The following RPS6KC1 variants were observed in gnomAD, a reference collection of about 807,000 sequenced individuals.
RPS6KC1 encodes the protein ribosomal protein S6 kinase C1, also known as inactive ribosomal protein S6 kinase delta-1.
In RPS6KC1, 54 loss-of-function variants were observed where a neutral mutation model predicts 103.8. The ratio of observed to expected loss-of-function variants is 0.52; its 90% CI spans 0.42 to 0.65. RPS6KC1 has a LOEUF of 0.65. Ranked by LOEUF, RPS6KC1 falls within the 30% of genes least tolerant of loss-of-function variation. The pLI, the probability that RPS6KC1 is intolerant of heterozygous loss-of-function variation, is 0.00. For missense variants in RPS6KC1, 1,151 were observed against 1,253.8 expected, an observed-to-expected ratio of 0.92 and a Z score of 1.24; for synonymous variants, 439 against 438.7, an observed-to-expected ratio of 1.00 and a Z score of -0.01.
At chr1:213,599,964 C>A in the RPS6KC1 span, among the ~76,000 whole-genome samples, 2 of 152,126 alleles carry the variant, frequency 1.3e-5, no homozygotes, top group Non-Finnish European at 2.9e-5. Flanking sequence ...CAGGGAGGGA[C>A]CTGTAATCCC....
At chr1:213,728,008 A>G in the RPS6KC1 span, among the ~76,000 whole-genome samples, 3 of 152,142 alleles carry the variant, frequency 2.0e-5, no homozygotes, top group African/African-American at 4.8e-5. Context: ...AAGGGAAGAG[A>G]GTCACAGGGG....
the RPS6KC1 span, among the ~76,000 whole-genome samples, chr1:213,516,831 A>C: frequency 6.6e-6 from 1 of 152,332 alleles, no homozygotes; most frequent in African/African-American, 2.4e-5. Flanking sequence ...CCTCTGGTAG[A>C]ATTCGGCTGT....
chr1:213,811,577 C>G, the RPS6KC1 span, among the ~76,000 whole-genome samples: 4 of 152,178 alleles, frequency 2.6e-5, no homozygotes, highest in Admixed American at 1.3e-4. Context: ...CTGGAGTGAT[C>G]AGGAGTCATC....
At chr1:213,821,913 G>A in the RPS6KC1 span, 1 of 152,276 alleles carries the variant, frequency 6.6e-6, no homozygotes, top group African/African-American at 2.4e-5. Flanking sequence ...TCAAAGCGAG[G>A]AGCTGGGAGA....
chr1:213,492,675 T>C, the RPS6KC1 span: 15 of 152,276 alleles, frequency 9.9e-5, no homozygotes, highest in African/African-American at 3.6e-4. Context: ...TAGAGAAATG[T>C]CCTTTTCCGT....
At chr1:213,481,089 ACTT>A in the RPS6KC1 span, among the ~76,000 whole-genome samples, 1 of 152,004 alleles carries the variant, frequency 6.6e-6, no homozygotes, top group Non-Finnish European at 1.5e-5. Context: ...TTGTTCTGTT[ACTT>A]CTTGTTTGCA....
chr1:213,452,428 T>G, the RPS6KC1 span, among the ~76,000 whole-genome samples: 1 of 151,728 alleles, frequency 6.6e-6, no homozygotes, highest in African/African-American at 2.4e-5. Flanking sequence ...CACGGGTGGG[T>G]GGGTTACTTT....
intron 5 of RPS6KC1, among the ~76,000 whole-genome samples, chr1:213,123,180 A>T (rs546372360): frequency 6.6e-6 from 1 of 152,162 alleles, no homozygotes; most frequent in East Asian, 1.9e-4. Flanking sequence ...ATTTCATTTT[A>T]TGGAGGGGAG....
chr1:213,408,177 T>C, the RPS6KC1 span, among the ~76,000 whole-genome samples: 1 of 152,168 alleles, frequency 6.6e-6, no homozygotes, highest in Non-Finnish European at 1.5e-5. Flanking sequence ...TCAGGCTGGG[T>C]GACTTGGCTA....
At chr1:213,146,186 T>C (rs2087800398) in intron 6 of RPS6KC1, among the ~76,000 whole-genome samples, 1 of 151,734 alleles carries the variant, frequency 6.6e-6, no homozygotes, top group Non-Finnish European at 1.5e-5. Flanking sequence ...CACAATAATT[T>C]TCAGTTCCAT....
At chr1:213,454,155 G>T in the RPS6KC1 span, among the ~76,000 whole-genome samples, 2 of 151,428 alleles carry the variant, frequency 1.3e-5, no homozygotes, top group African/African-American at 2.4e-5. Context: ...CATGGGGGGG[G>T]TCAGCATTCC....
chr1:213,455,799 C>G, the RPS6KC1 span, among the ~76,000 whole-genome samples: 2 of 152,056 alleles, frequency 1.3e-5, no homozygotes, highest in African/African-American at 4.8e-5. Context: ...TGTCTCATTG[C>G]CTTTTGTTTT....
the RPS6KC1 span, among the ~76,000 whole-genome samples, chr1:213,345,677 G>A: frequency 6.6e-6 from 1 of 152,158 alleles, no homozygotes; most frequent in Non-Finnish European, 1.5e-5. Flanking sequence ...GTTTTCCAGG[G>A]CTCCTCCTTT....
At chr1:213,436,195 AT>A in the RPS6KC1 span, among the ~76,000 whole-genome samples, 1 of 152,360 alleles carries the variant, frequency 6.6e-6, no homozygotes, top group South Asian at 2.1e-4. Context: ...AATTTGAATT[AT>A]TTTGTAAGTG....
intron 4 of RPS6KC1, among the ~76,000 whole-genome samples, chr1:213,115,815 G>A (rs1235703843): frequency 1.3e-5 from 2 of 152,232 alleles, no homozygotes; most frequent in African/African-American, 4.8e-5. Context: ...TATGTACGCA[G>A]TAGTCATTCA....
At chr1:213,633,255 C>T in the RPS6KC1 span, among the ~76,000 whole-genome samples, 2 of 152,070 alleles carry the variant, frequency 1.3e-5, no homozygotes. Flanking sequence ...GTCAGATTCA[C>T]CAAGGTTGAA....
chr1:213,414,704 G>T, the RPS6KC1 span, among the ~76,000 whole-genome samples: 4 of 151,750 alleles, frequency 2.6e-5, no homozygotes, highest in Admixed American at 1.3e-4. Context: ...TGTTATGGGA[G>T]CCCTAGGAAA....
the RPS6KC1 span, among the ~76,000 whole-genome samples, chr1:213,399,462 C>T: frequency 1.3e-5 from 2 of 152,280 alleles, no homozygotes; most frequent in South Asian, 2.1e-4. Flanking sequence ...AGCAGTCTTT[C>T]CTTACCTACC....
At chr1:213,296,840 T>G in the RPS6KC1 span, among the ~76,000 whole-genome samples, 2 of 152,292 alleles carry the variant, frequency 1.3e-5, no homozygotes, top group East Asian at 3.9e-4. Flanking sequence ...AGGGTCAGAG[T>G]GAACATTTTT....
Sources: allele counts gnomAD v4.1 joint callset (sites outside exome capture counted in the v4.1 genomes callset), GRCh38; gene constraint gnomAD v4.1.1; transcripts MANE v1.5; gene names NCBI Gene and HGNC (gene_info 2026-07-23, HGNC 2026-07-21).